Variants in NADK2 observed in about 807,000 individuals in gnomAD.
NADK2 encodes NAD kinase 2, mitochondrial.
Under a neutral mutation model 62.1 loss-of-function variants are expected in NADK2, and 35 were observed. The ratio of observed to expected loss-of-function variants is 0.56; its 90% CI spans 0.43 to 0.75. NADK2 has a LOEUF of 0.75. Among genes scored for constraint, NADK2 ranks in the 30% least tolerant of loss-of-function variants. The pLI is 0.00. For synonymous variants in NADK2, 205 were observed against 207.9 expected, an observed-to-expected ratio of 0.99 and a Z score of 0.12; for missense variants, 439 against 561.3, an observed-to-expected ratio of 0.78 and a Z score of 2.20.
chr5:36,194,664 A>G lies in NADK2; in HGVS notation c.*480T>C, dbSNP rs1000152632. On this transcript the variant is annotated 3_prime_UTR_variant, in exon 12 of 12. Coordinates refer to ENST00000381937, the MANE Select transcript of NADK2 (RefSeq NM_001085411.3). ...ATATTTACCTATGTCAATTAGGTCA[A>G]TGTCAGGATTTATCAAAATTCTCTG... The G allele has an allele frequency of 2.0e-5, 3 of 152,246 alleles. No individual in the cohort carries two copies. Among genetic ancestry groups the G allele is most frequent in the Admixed American group, 6.6e-5 (1 of 15,266 alleles). 9.4% of individuals were successfully genotyped at this position (152,246 alleles called of 1,614,324 possible). A position where few individuals can be genotyped will look rare whatever the true frequency, so the allele number is the denominator to read the frequency against.
At chr5:36,195,687 C>T (rs868168943) in intron 11 of NADK2, among the ~76,000 whole-genome samples, 3 of 152,026 alleles carry the variant, frequency 2.0e-5, no homozygotes, top group African/African-American at 2.4e-5. Context: ...TACAGGTATA[C>T]ACCCAAATTA....
At chr5:36,236,053 C>T (rs949160015) in intron 1 of NADK2, among the ~76,000 whole-genome samples, 1 of 151,862 alleles carries the variant, frequency 6.6e-6, no homozygotes, top group African/African-American at 2.4e-5. Context: ...GATTAATGTG[C>T]ATCAAACACA....
At chr5:36,240,576 G>A (rs188047585) in intron 1 of NADK2, among the ~76,000 whole-genome samples, 181 of 152,266 alleles carry the variant, frequency 1.2e-3, no homozygotes, top group Non-Finnish European at 2.3e-3. Flanking sequence ...TGGTAGCACC[G>A]GGCACTCTCC....
intron 4 of NADK2, among the ~76,000 whole-genome samples, chr5:36,222,889 G>A (rs1747327755): frequency 6.6e-6 from 1 of 152,168 alleles, no homozygotes; most frequent in Non-Finnish European, 1.5e-5. Flanking sequence ...CATTCATCAA[G>A]AATGATGGGA....
intron 1 of NADK2, among the ~76,000 whole-genome samples, chr5:36,228,301 C>T (rs1239519927): frequency 6.6e-6 from 1 of 152,134 alleles, no homozygotes; most frequent in Admixed American, 6.5e-5. Flanking sequence ...CAGAAATATC[C>T]TTAGTGAACA....
chr5:36,229,206 CG>C (rs1327035347), intron 1 of NADK2, among the ~76,000 whole-genome samples: 6 of 19,782 alleles, frequency 3.0e-4, no homozygotes, highest in Non-Finnish European at 9.0e-4. Flanking sequence ...TTGTAATTTT[CG>C]TTATGTTCTC....
In NADK2 at chr5:36,241,520, C is replaced by A; in HGVS notation, c.279G>T (p.Ser93=). 2.6e-6 allele frequency: 4 copies of A among 1,564,980 alleles called. No homozygotes were observed. The highest frequency in any genetic ancestry group is 3.4e-6 in the Non-Finnish European group (4 of 1,164,498). ...EQQRYRYAEL[S]EEDLKQLLAL... ...CCACCAGCTGCTTCAGGTCCTCCTC[C>A]GAGAGCTCCGCGTAACGGTACCGCT... The change falls in exon 1 of 12, where the codon TCG becomes TCT. Residue 93 remains serine, a synonymous_variant. Coordinates refer to ENST00000381937, the MANE Select transcript of NADK2 (RefSeq NM_001085411.3). The surrounding 1 kb of genome is among the most constrained non-coding windows in gnomAD (Gnocchi z 4.9).
rs1211607668 is a variant in NADK2 at position 36,225,588 on chromosome 5, A to G, written c.514T>C (p.Leu172=). 11 of 1,613,888 alleles carry G rather than the reference A, an allele frequency of 6.8e-6. No individual in the cohort carries two copies. Among genetic ancestry groups the G allele is most frequent in the Non-Finnish European group, 9.3e-6 (11 of 1,179,924 alleles). The change falls in exon 4 of 12, where the codon TTG becomes CTG. Residue 172 remains leucine (L), a synonymous_variant. Transcript: ENST00000381937. The part of the protein sequence containing the change: ...GTMLLAASKV[L]DRLKPVIGVN... Reference sequence around the variant, plus strand: ...CCTATAACTGGTTTAAGTCTGTCCAAGACTTTACTCGCTGCCAGCAGCATT... The same window carrying G: ...CCTATAACTGGTTTAAGTCTGTCCAGGACTTTACTCGCTGCCAGCAGCATT...
At chr5:36,230,460 C>A (rs1747666679) in intron 1 of NADK2, among the ~76,000 whole-genome samples, 1 of 152,226 alleles carries the variant, frequency 6.6e-6, no homozygotes, top group South Asian at 2.1e-4. Flanking sequence ...CTAAAATTTC[C>A]TGGTATTTTT....
At chr5:36,238,157 G>C (rs1247370022) in intron 1 of NADK2, among the ~76,000 whole-genome samples, 1 of 152,138 alleles carries the variant, frequency 6.6e-6, no homozygotes, top group Non-Finnish European at 1.5e-5. Flanking sequence ...TGTAGCAAAA[G>C]TATACCACCT....
intron 9 of NADK2, 85 bp from the exon 10 acceptor site, chr5:36,200,365 G>T: frequency 1.3e-6 from 1 of 747,478 alleles, no homozygotes; most frequent in Non-Finnish European, 1.9e-6. Context: ...GGGGAAAAAT[G>T]CTTAAAGTGT....
rs1442843699 is a variant in NADK2, at chr5:36,224,598, T to C, written c.560+944A>G. Among the ~76,000 whole-genome samples the C allele has an allele frequency of 3.3e-5, 5 of 150,662 alleles. No homozygotes were observed. The East Asian group carries it at 9.7e-4, about 29-fold the overall frequency. On this transcript the variant is annotated intron_variant, in intron 4 of 11. Transcript: ENST00000381937. ...AAAGAAAGAAAGCAAGAAAGAAATA[T>C]TTAAGAAAGTGAATGAAGTGAGGAA...
At chr5:36,200,175 T>G in intron 10 of NADK2, 52 bp downstream of exon 10, 1 of 1,358,850 alleles carries the variant, frequency 7.4e-7, no homozygotes, top group East Asian at 2.6e-5. Flanking sequence ...CTATCATCCT[T>G]AAAACTGAAA....
intron 4 of NADK2, chr5:36,221,750 A>G (rs1031747105): frequency 6.6e-6 from 1 of 152,242 alleles, no homozygotes; most frequent in Admixed American, 6.5e-5. Flanking sequence ...ATATGAAGCC[A>G]GTTTCCAAAA....
chr5:36,238,891 C>T (rs930643162), intron 1 of NADK2, among the ~76,000 whole-genome samples: 7 of 152,150 alleles, frequency 4.6e-5, no homozygotes, highest in Admixed American at 3.9e-4. Context: ...CTATTCTGTG[C>T]ATGCCTTATC....
At chr5:36,198,217 C>T (rs1453555585) in intron 10 of NADK2, among the ~76,000 whole-genome samples, 1 of 151,892 alleles carries the variant, frequency 6.6e-6, no homozygotes, top group African/African-American at 2.4e-5. Context: ...GGCTGGAATA[C>T]AAAGCACAAA....
At chr5:36,209,924 C>T (rs1031104100) in intron 7 of NADK2, among the ~76,000 whole-genome samples, 4 of 152,172 alleles carry the variant, frequency 2.6e-5, no homozygotes, top group Non-Finnish European at 5.9e-5. Flanking sequence ...TCAAACCCTT[C>T]CGCTGAATCA....
At chr5:36,228,622 AT>A (rs35220802) in intron 1 of NADK2, among the ~76,000 whole-genome samples, 118,990 of 142,034 alleles carry the variant, frequency 0.84, 51,928 homozygotes, top group Non-Finnish European at 0.98. Flanking sequence ...TCTAGACATG[AT>A]TTTTTTTTTT....
At chr5:36,231,335 A>G (rs1747702510) in intron 1 of NADK2, among the ~76,000 whole-genome samples, 1 of 152,206 alleles carries the variant, frequency 6.6e-6, no homozygotes, top group Admixed American at 6.5e-5. Context: ...CTAAATACAA[A>G]GTTCAGGCAG....
Sources: allele counts gnomAD v4.1 joint callset (sites outside exome capture counted in the v4.1 genomes callset), GRCh38; gene constraint gnomAD v4.1.1; non-coding constraint Gnocchi (gnomAD v3.1); transcripts MANE v1.5; gene names NCBI Gene and HGNC (gene_info 2026-07-23, HGNC 2026-07-21).